UBQLN4: variants seen among roughly 807,000 people sequenced by gnomAD.
The protein encoded by UBQLN4 is ubiquilin 4.
A neutral mutation model predicts 60.4 loss-of-function variants in UBQLN4; 11 were observed. The ratio of observed to expected loss-of-function variants is 0.18; its 90% confidence interval spans 0.11 to 0.30. UBQLN4 has a LOEUF of 0.30. UBQLN4 is among the 10% of genes least tolerant of loss of function. UBQLN4 has a pLI of 1.00. For missense variants in UBQLN4, 417 were observed against 795.5 expected (o/e 0.52, Z 5.72); for synonymous variants, 258 against 313.1 (o/e 0.82, Z 1.86).
At chr1:156,040,002 T>C (rs911844535) in intron 10 of UBQLN4, among the ~76,000 whole-genome samples, 15 of 147,810 alleles carry the variant, frequency 1.0e-4, no homozygotes, top group Admixed American at 9.4e-4. Flanking sequence ...ACCGTCCACC[T>C]GGTGTTGAAA....
At chr1:156,033,568 C>T (rs1406393246), downstream of UBQLN4, among the ~76,000 whole-genome samples, 1 of 152,014 alleles carries the variant, frequency 6.6e-6, no homozygotes, top group African/African-American at 2.4e-5. Flanking sequence ...ATGGGCTGGG[C>T]GCGACGGCTC....
downstream of UBQLN4, among the ~76,000 whole-genome samples, chr1:156,031,509 T>C (rs1042590564): frequency 1.3e-5 from 2 of 152,100 alleles, no homozygotes; most frequent in African/African-American, 4.8e-5. Flanking sequence ...ACTCGATTCT[T>C]ATTAGTCCTT....
chr1:156,038,060 C>T (rs1469618570), intron 10 of UBQLN4, among the ~76,000 whole-genome samples: 1 of 152,128 alleles, frequency 6.6e-6, no homozygotes, highest in South Asian at 2.1e-4. Context: ...GTGTGTACCA[C>T]CTTGCCCAGC....
chr1:156,042,739 TC>T lies in UBQLN4; in HGVS notation c.1266+34del, dbSNP rs776926560. 6 of 1,605,166 alleles carry T rather than the reference TC, an allele frequency of 3.7e-6. No homozygotes were observed. In the South Asian group the frequency reaches 5.5e-5, roughly 15 times the overall value. ...CTGCCCCCAACCAAGAGGAACTCTC[TC>T]CCCAACAATACTCTCCTCATGCTGG... On this transcript the variant is annotated intron_variant, in intron 7 of 10. Transcript: ENST00000368309.
chr1:156,051,665 G>A, intron 2 of UBQLN4, 41 bp downstream of exon 2: 3 of 1,610,212 alleles, frequency 1.9e-6, no homozygotes, highest in Non-Finnish European at 8.5e-7. Context: ...CAGATGGGGA[G>A]GCCCAATCAG....
chr1:156,042,660 G>A, intron 7 of UBQLN4, 114 bp downstream of exon 7: 1 of 1,455,236 alleles, frequency 6.9e-7, no homozygotes, highest in East Asian at 2.3e-5. Flanking sequence ...AAGCAGCAGA[G>A]CTTGGGATGC....
In UBQLN4 at chr1:156,037,686, C is replaced by T. The variant is rs565185710; in HGVS notation, c.1654-556G>A. Among the ~76,000 whole-genome samples the T allele has an allele frequency of 1.3e-4, 20 of 152,242 alleles. No individual in the cohort carries two copies. In the South Asian group the frequency reaches 1.4e-3, roughly 11 times the overall value. ...TTAGATTTTCAAGATAACTGATAGG[C>T]CTAGATCAGCATATATTCCTCATTA... On this transcript the variant is annotated intron_variant, in intron 10 of 10. Coordinates refer to ENST00000368309, the MANE Select transcript of UBQLN4 (RefSeq NM_020131.5).
At chr1:156,052,626 A>G (rs1332606810) in intron 1 of UBQLN4, among the ~76,000 whole-genome samples, 1 of 152,164 alleles carries the variant, frequency 6.6e-6, no homozygotes, top group African/African-American at 2.4e-5. Flanking sequence ...GCCCAGCCGT[A>G]TCTCCATTTT....
rs1246747304 is a variant in UBQLN4 at position 156,036,275 on chromosome 1, C to G, written c.*703G>C. On this transcript the variant is annotated 3_prime_UTR_variant, in exon 11 of 11. Coordinates refer to ENST00000368309, the MANE Select transcript of UBQLN4 (RefSeq NM_020131.5). ...AGGCTGTCTCCCCCATTCCCTTCCT[C>G]CGAATAATCTCATTCCCTCCTCTTT... 1.0e-6 allele frequency: 1 copy of G among 985,678 alleles called. No individual in the cohort carries two copies. Among genetic ancestry groups the G allele is most frequent in the Non-Finnish European group, 1.2e-6 (1 of 830,014 alleles). 61.1% of individuals were successfully genotyped at this position (985,678 alleles called of 1,614,324 possible). A position where few individuals can be genotyped will look rare whatever the true frequency, so the allele number is the denominator to read the frequency against.
chr1:156,033,569 G>A (rs1037550320), downstream of UBQLN4, among the ~76,000 whole-genome samples: 6 of 152,010 alleles, frequency 3.9e-5, no homozygotes, highest in East Asian at 1.9e-4. Context: ...TGGGCTGGGC[G>A]CGACGGCTCA....
At chr1:156,053,563 C>A in intron 1 of UBQLN4, 31 bp downstream of exon 1, 1 of 1,179,380 alleles carries the variant, frequency 8.5e-7, no homozygotes. Context: ...CCCTCCTCCG[C>A]GCTCCCCCCG....
At chr1:156,039,729 C>A (rs1227410394) in intron 10 of UBQLN4, among the ~76,000 whole-genome samples, 2 of 149,528 alleles carry the variant, frequency 1.3e-5, no homozygotes, top group Non-Finnish European at 3.0e-5. Context: ...CGAGGTCAGG[C>A]GATCGAGACC....
At chr1:156,043,924 T>C (rs560128180) in intron 6 of UBQLN4, 74 bp downstream of exon 6, 1 of 1,478,960 alleles carries the variant, frequency 6.8e-7, no homozygotes, top group South Asian at 1.2e-5. Context: ...TGGAGCAGTA[T>C]GAACCCCATT....
At position 156,050,989 on chromosome 1, in the gene UBQLN4, CTG is replaced by C; in HGVS notation, c.478+119_478+120del. On this transcript the variant is annotated intron_variant, in intron 3 of 10. Transcript: ENST00000368309. This position sits in a 1 kb window ranked among gnomAD's most constrained non-coding sequence, Gnocchi z 4.6. ...GACTCAAGTATCAATGTCTGGAACT[CTG>C]TCATGGGGTCCCCTATCCCCATCAG... The C allele has an allele frequency of 1.1e-6, 1 of 948,104 alleles. No homozygotes were observed. Among genetic ancestry groups the C allele is most frequent in the East Asian group, 2.6e-5 (1 of 38,398 alleles). 58.7% of individuals were successfully genotyped at this position (948,104 alleles called of 1,614,324 possible). A position where few individuals can be genotyped will look rare whatever the true frequency, so the allele number is the denominator to read the frequency against.
chr1:156,032,554 G>T (rs1683314649), downstream of UBQLN4, among the ~76,000 whole-genome samples: 1 of 151,364 alleles, frequency 6.6e-6, no homozygotes, highest in African/African-American at 2.4e-5. Context: ...ATGCATTCAG[G>T]ATATGCCTGT....
intron 7 of UBQLN4, chr1:156,042,468 TGAG>T (rs771710660): frequency 8.7e-6 from 12 of 1,376,806 alleles, no homozygotes; most frequent in South Asian, 5.1e-5. Context: ...CTGATGATGA[TGAG>T]GACAGCTAAC....
chr1:156,039,823 GCTACTCGGGAGGCTGAGGCAGGA>G (rs1321357316), intron 10 of UBQLN4, among the ~76,000 whole-genome samples: 2 of 149,034 alleles, frequency 1.3e-5, no homozygotes, highest in Admixed American at 1.4e-4. Context: ...TTTAGTCCCA[GCTACTCGGGAGGCTGAGGCAGGA>G]GAATGGCCTA....
Position 156,051,243 on chromosome 1 carries a change from G to T in UBQLN4, c.345C>A (p.Pro115=). The change falls in exon 3 of 11, where the codon CCC becomes CCA. Residue 115 remains proline (P), a synonymous_variant. Coordinates refer to ENST00000368309, the MANE Select transcript of UBQLN4 (RefSeq NM_020131.5). ...AGGTGGAGGGCTGGGCAGGGGTGGC[G>T]GGTGAAGCAGGCGTGGTGGAGGGTG... ...ASAPSTTPAS[P]ATPAQPSTSG... 3 of 1,595,122 alleles carry T rather than the reference G, an allele frequency of 1.9e-6. No individual in the cohort carries two copies. The highest frequency in any genetic ancestry group is 1.7e-6 in the Non-Finnish European group (2 of 1,170,138).
In UBQLN4 at chr1:156,041,605, G is replaced by A. The variant is rs375283456; in HGVS notation, c.1533C>T (p.Pro511=). The A allele has an allele frequency of 3.6e-5, 58 of 1,610,200 alleles. No homozygotes were observed. Among genetic ancestry groups the A allele is most frequent in the East Asian group, 2.5e-4 (11 of 44,690 alleles). The stretch of plus-strand genomic sequence containing the variant: ...TGGCTGGTGAGGAAGTGGGGGCCTC[G>A]GGCGTAGACCCTGCGTTGCTGCCTG... ...PSAGSNAGST[P]EAPTSSPATP... The change falls in exon 10 of 11, where the codon CCC becomes CCT. Residue 511 remains proline, a synonymous_variant. Coordinates refer to ENST00000368309, the MANE Select transcript of UBQLN4 (RefSeq NM_020131.5).
Sources: allele counts gnomAD v4.1 joint callset (sites outside exome capture counted in the v4.1 genomes callset), GRCh38; gene constraint gnomAD v4.1.1; non-coding constraint Gnocchi (gnomAD v3.1); transcripts MANE v1.5; gene names NCBI Gene and HGNC (gene_info 2026-07-23, HGNC 2026-07-21).